The following RASAL2 variants were observed in gnomAD, a reference collection of about 807,000 sequenced individuals.
RASAL2 encodes ras GTPase-activating protein nGAP.
Under a neutral mutation model 128.9 loss-of-function variants are expected in RASAL2, and 58 were observed. The ratio of observed to expected loss-of-function variants is 0.45; its 90% CI spans 0.36 to 0.56. The LOEUF (loss-of-function observed/expected upper bound fraction) is 0.56, where lower values mean the gene tolerates loss of function less well. Among genes scored for constraint, RASAL2 ranks in the 20% least tolerant of loss-of-function variants. The pLI, the probability that RASAL2 is intolerant of heterozygous loss-of-function variation, is 0.00. For missense variants in RASAL2, 1,360 were observed against 1,601.6 expected, an observed-to-expected ratio of 0.85 and a Z score of 2.57; for synonymous variants, 561 against 580.8, an observed-to-expected ratio of 0.97 and a Z score of 0.49.
At chr1:178,149,576 G>A (rs965432398) in intron 1 of RASAL2, among the ~76,000 whole-genome samples, 1 of 151,344 alleles carries the variant, frequency 6.6e-6, no homozygotes, top group African/African-American at 2.4e-5. Context: ...AATTTTTAAT[G>A]TACCTTTTTG....
At chr1:178,176,637 G>GGAGAGA (rs71567183) in intron 1 of RASAL2, among the ~76,000 whole-genome samples, 61 of 148,924 alleles carry the variant, frequency 4.1e-4, no homozygotes, top group South Asian at 2.4e-3. Context: ...TGAGAAAGAG[G>GGAGAGA]GAGAGAGAGA....
In RASAL2 at chr1:178,442,547, A is replaced by G. The variant is rs1373754692; in HGVS notation, c.928-128A>G. On this transcript the variant is annotated intron_variant, in intron 7 of 17. Coordinates refer to ENST00000367649, the MANE Select transcript of RASAL2 (RefSeq NM_170692.4). Reference sequence around the variant, plus strand: ...TTGCTGTTAACCTAAGCAATGAGATAGCAATCCCTTTCATTATTTGTTGAC... The same window carrying G: ...TTGCTGTTAACCTAAGCAATGAGATGGCAATCCCTTTCATTATTTGTTGAC... 24 of 704,512 alleles carry G rather than the reference A, an allele frequency of 3.4e-5. No homozygotes were observed. The East Asian group carries it at 4.9e-4, about 14-fold the overall frequency. The allele number at this position is 704,512 out of a possible 1,614,324, so 43.6% of individuals were successfully genotyped here. A position where few individuals can be genotyped will look rare whatever the true frequency, so the allele number is the denominator to read the frequency against.
At chr1:178,384,028 T>G (rs1377192225) in intron 3 of RASAL2, among the ~76,000 whole-genome samples, 1 of 152,216 alleles carries the variant, frequency 6.6e-6, no homozygotes, top group Non-Finnish European at 1.5e-5. Context: ...ACTGAAGAAT[T>G]CACTTTATGA....
intron 1 of RASAL2, among the ~76,000 whole-genome samples, chr1:178,158,804 G>A (rs999913036): frequency 1.3e-5 from 2 of 152,016 alleles, no homozygotes; most frequent in Admixed American, 1.3e-4. Context: ...AAATTTATTT[G>A]ATGCTTACTC....
chr1:178,440,465 G>A (rs1676562435), intron 6 of RASAL2, among the ~76,000 whole-genome samples: 1 of 151,976 alleles, frequency 6.6e-6, no homozygotes, highest in African/African-American at 2.4e-5. Flanking sequence ...TCTGATGTGT[G>A]TTTACACTTG....
At chr1:178,470,806 C>T in intron 17 of RASAL2, 1 of 1,128,688 alleles carries the variant, frequency 8.9e-7, no homozygotes, top group Non-Finnish European at 1.2e-6. Context: ...ATTCCAGCTC[C>T]TGCCACTCCC....
intron 4 of RASAL2, among the ~76,000 whole-genome samples, chr1:178,399,866 A>G (rs1673500562): frequency 1.3e-5 from 2 of 152,250 alleles, no homozygotes; most frequent in East Asian, 3.9e-4. Flanking sequence ...CATCAACTTT[A>G]GCCTTCGCTC....
intron 1 of RASAL2, among the ~76,000 whole-genome samples, chr1:178,195,640 A>T (rs183932126): frequency 2.0e-5 from 3 of 152,326 alleles, no homozygotes; most frequent in Admixed American, 2.0e-4. Context: ...GATAAATGGT[A>T]GATATTATTT....
In RASAL2 at chr1:178,233,996, A is replaced by C. The variant is rs1664122207; in HGVS notation, c.203-49568A>C. 2.0e-5 allele frequency among the ~76,000 whole-genome samples: 3 copies of C among 152,230 alleles called. No homozygotes were observed. In the South Asian group the frequency reaches 6.2e-4, roughly 31 times the overall value. The stretch of plus-strand genomic sequence containing the variant: ...ATTTCATTTTCTCATTATAAAACAA[A>C]TATATTTAATTAGCACAATTTTAAA... On this transcript the variant is annotated intron_variant, in intron 1 of 17. Transcript: ENST00000367649.
At chr1:178,268,450 G>A (rs916210380) in intron 1 of RASAL2, among the ~76,000 whole-genome samples, 1 of 151,978 alleles carries the variant, frequency 6.6e-6, no homozygotes, top group Non-Finnish European at 1.5e-5. Flanking sequence ...CCTGGCAACA[G>A]AGCGAGCCTC....
At chr1:178,387,131 G>T (rs951417704) in intron 3 of RASAL2, among the ~76,000 whole-genome samples, 20 of 152,078 alleles carry the variant, frequency 1.3e-4, no homozygotes, top group African/African-American at 4.3e-4. Flanking sequence ...TTCTCCAAAG[G>T]CCTATTCTAC....
chr1:178,156,722 A>G (rs1229183689), intron 1 of RASAL2, among the ~76,000 whole-genome samples: 1 of 152,236 alleles, frequency 6.6e-6, no homozygotes, highest in Non-Finnish European at 1.5e-5. Context: ...AAAACGAGCT[A>G]AAGACATGAA....
At chr1:178,296,077 GTATATATGTGTGTGTA>G (rs1435266500) in intron 2 of RASAL2, among the ~76,000 whole-genome samples, 1 of 151,156 alleles carries the variant, frequency 6.6e-6, no homozygotes, top group African/African-American at 2.5e-5. Flanking sequence ...ATATGTATGT[GTATATATGTGTGTGTA>G]TATATATGTG....
intron 3 of RASAL2, among the ~76,000 whole-genome samples, chr1:178,322,819 A>G (rs1668856070): frequency 6.6e-6 from 1 of 152,102 alleles, no homozygotes; most frequent in Admixed American, 6.5e-5. Flanking sequence ...GTGACACTAA[A>G]CGTCCTATAT....
chr1:178,168,829 A>G (rs1388397726), intron 1 of RASAL2, among the ~76,000 whole-genome samples: 1 of 152,036 alleles, frequency 6.6e-6, no homozygotes, highest in Non-Finnish European at 1.5e-5. Context: ...AGAGTTTGTC[A>G]CCGAGTGTTT....
At chr1:178,201,351 G>A (rs1662863108) in intron 1 of RASAL2, among the ~76,000 whole-genome samples, 1 of 152,160 alleles carries the variant, frequency 6.6e-6, no homozygotes, top group Admixed American at 6.5e-5. Context: ...ATCTCCCTTG[G>A]TTTAATGTAG....
chr1:178,302,826 G>T (rs1267481557), intron 3 of RASAL2, among the ~76,000 whole-genome samples: 1 of 152,158 alleles, frequency 6.6e-6, no homozygotes, highest in Admixed American at 6.6e-5. Context: ...AAGATCACGA[G>T]GTCAGGAGTT....
intron 1 of RASAL2, among the ~76,000 whole-genome samples, chr1:178,105,865 G>A (rs1001165534): frequency 7.9e-5 from 12 of 151,954 alleles, no homozygotes; most frequent in South Asian, 2.1e-4. Flanking sequence ...TTGTAGAGAC[G>A]AGGTCTCACT....
chr1:178,184,262 T>C (rs1423418362), intron 1 of RASAL2, among the ~76,000 whole-genome samples: 1 of 152,186 alleles, frequency 6.6e-6, no homozygotes, highest in Non-Finnish European at 1.5e-5. Context: ...GTCTTTTGAC[T>C]CTCTTACCAG....
Sources: gnomAD v4.1 joint callset for allele counts (sites outside exome capture counted in the v4.1 genomes callset) on GRCh38, gnomAD v4.1.1 for gene constraint, MANE v1.5 for transcripts, NCBI Gene and HGNC (gene_info 2026-07-23, HGNC 2026-07-21) for gene names.